The following RIC1 variants were observed in gnomAD, a reference collection of about 807,000 sequenced individuals.
RIC1 encodes guanine nucleotide exchange factor subunit RIC1.
In RIC1, 88 loss-of-function variants were observed where a neutral mutation model predicts 169.0. The ratio of observed to expected loss-of-function variants is 0.52; its 90% CI spans 0.44 to 0.62. The LOEUF (loss-of-function observed/expected upper bound fraction) is 0.62. Ranked by LOEUF, RIC1 falls within the 20% of genes least tolerant of loss-of-function variation. The pLI is 0.00. For synonymous variants in RIC1, 790 were observed against 601.5 expected, an observed-to-expected ratio of 1.31 and a Z score of -4.59; for missense variants, 1,877 against 1,725.5, an observed-to-expected ratio of 1.09 and a Z score of -1.56.
intron 1 of RIC1, among the ~76,000 whole-genome samples, chr9:5,646,976 A>AT (rs201007050): frequency 0.014 from 2,073 of 152,216 alleles, 55 homozygotes; most frequent in African/African-American, 0.047. Flanking sequence ...CTTTGAGACA[A>AT]TTTTTGTATA....
At chr9:5,652,387 C>T (rs1006474945) in intron 1 of RIC1, among the ~76,000 whole-genome samples, 14 of 152,022 alleles carry the variant, frequency 9.2e-5, no homozygotes, top group Admixed American at 7.9e-4. Flanking sequence ...CATTTTATTA[C>T]TGTTTCATAG....
intron 6 of RIC1, among the ~76,000 whole-genome samples, chr9:5,726,788 G>A (rs1478163781): frequency 6.6e-6 from 1 of 152,156 alleles, no homozygotes; most frequent in Non-Finnish European, 1.5e-5. Context: ...GTCTGTAAAG[G>A]ATTTTATTTC....
intron 2 of RIC1, among the ~76,000 whole-genome samples, chr9:5,682,818 T>G (rs201531259): frequency 6.6e-6 from 1 of 152,224 alleles, no homozygotes; most frequent in Admixed American, 6.5e-5. Flanking sequence ...ACATAGATTT[T>G]GTCTTTTCAC....
intron 6 of RIC1, 118 bp from the exon 7 acceptor site, chr9:5,732,270 T>A: frequency 1.3e-6 from 1 of 763,342 alleles, no homozygotes; most frequent in South Asian, 1.8e-5. Flanking sequence ...TATTTTCCTC[T>A]GCAGATGAAA....
At chr9:5,670,073 G>A (rs7872408) in intron 2 of RIC1, among the ~76,000 whole-genome samples, 50,042 of 152,062 alleles carry the variant, frequency 0.33, 8,783 homozygotes, top group East Asian at 0.59. Flanking sequence ...CAGGTCTCCA[G>A]TTAGTATGGA....
At chr9:5,772,781 C>CA (rs1563728928) in intron 24 of RIC1, 40 bp downstream of exon 24, 1 of 1,579,912 alleles carries the variant, frequency 6.3e-7, no homozygotes, top group Admixed American at 1.8e-5. Flanking sequence ...AATGCCTACT[C>CA]AGAGTATTTG....
intron 2 of RIC1, among the ~76,000 whole-genome samples, chr9:5,672,186 A>C (rs1820148256): frequency 6.6e-6 from 1 of 152,204 alleles, no homozygotes; most frequent in African/African-American, 2.4e-5. Flanking sequence ...GTAGGTTTGC[A>C]TTGCCAGATA....
intron 1 of RIC1, among the ~76,000 whole-genome samples, chr9:5,632,252 T>C (rs984395407): frequency 2.0e-5 from 3 of 152,238 alleles, no homozygotes; most frequent in Non-Finnish European, 2.9e-5. Flanking sequence ...GACAGTCGTT[T>C]AGTAGTCTAA....
intron 17 of RIC1, among the ~76,000 whole-genome samples, chr9:5,761,952 A>C (rs1826364458): frequency 6.6e-6 from 1 of 152,164 alleles, no homozygotes; most frequent in African/African-American, 2.4e-5. Flanking sequence ...ATCCTGATTA[A>C]CTCTGATTTT....
At chr9:5,705,173 G>A (rs1330868165) in intron 3 of RIC1, among the ~76,000 whole-genome samples, 1 of 145,662 alleles carries the variant, frequency 6.9e-6, no homozygotes, top group Admixed American at 6.8e-5. Context: ...TGAATTTTAG[G>A]ATCAGCTTTC....
At chr9:5,672,652 TAA>T (rs2130577183) in intron 2 of RIC1, among the ~76,000 whole-genome samples, 1 of 152,252 alleles carries the variant, frequency 6.6e-6, no homozygotes, top group African/African-American at 2.4e-5. Flanking sequence ...GTTTAGGAAA[TAA>T]TAGAAGAAAC....
intron 6 of RIC1, among the ~76,000 whole-genome samples, chr9:5,728,816 G>A (rs368940084): frequency 6.6e-6 from 1 of 152,084 alleles, no homozygotes; most frequent in Non-Finnish European, 1.5e-5. Context: ...TCTTATTTGT[G>A]TCGGATCTTT....
At chr9:5,713,025 T>C (rs895734379) in intron 3 of RIC1, 19 of 152,176 alleles carry the variant, frequency 1.2e-4, no homozygotes, top group African/African-American at 4.6e-4. Flanking sequence ...CATCAAAATA[T>C]ATTTCCCAAA....
In RIC1 at chr9:5,732,384, A is replaced by G. The variant is rs749336037; in HGVS notation, c.721-4A>G. The G allele has an allele frequency of 1.4e-5, 23 of 1,605,122 alleles. No individual in the cohort carries two copies. The highest frequency in any genetic ancestry group is 1.9e-5 in the Non-Finnish European group (22 of 1,175,856). Reference sequence around the variant, plus strand: ...TAAGCCTTAACTATTTTTCTTTATTATAGCAGCTTCATGGAGTTTGGCCAC... The same window carrying G: ...TAAGCCTTAACTATTTTTCTTTATTGTAGCAGCTTCATGGAGTTTGGCCAC... On this transcript the variant is annotated splice_polypyrimidine_tract_variant and splice_region_variant and intron_variant, in intron 6 of 25. Coordinates refer to ENST00000414202, the MANE Select transcript of RIC1 (RefSeq NM_020829.4).
chr9:5,676,405 G>A lies in RIC1; in HGVS notation c.253-13554G>A, dbSNP rs74201424. Among the ~76,000 whole-genome samples, 86 of 152,248 alleles carry A rather than the reference G, an allele frequency of 5.6e-4. No homozygotes were observed. The East Asian group carries it at 0.015, about 26-fold the overall frequency. ...ATAGTAAATTTTGGGAGGTGTCTAT[G>A]TTCTAGGCACTGTTGTAGTGCTTTA... is the stretch of plus-strand genomic sequence containing the variant. On this transcript the variant is annotated intron_variant, in intron 2 of 25. Coordinates refer to ENST00000414202, the MANE Select transcript of RIC1 (RefSeq NM_020829.4).
chr9:5,707,782 G>A (rs1822683419), intron 3 of RIC1, among the ~76,000 whole-genome samples: 1 of 151,830 alleles, frequency 6.6e-6, no homozygotes, highest in African/African-American at 2.4e-5. Flanking sequence ...TAATTTTCTT[G>A]TAGACAGCTT....
At chr9:5,723,539 C>T (rs1182014865) in intron 6 of RIC1, among the ~76,000 whole-genome samples, 1 of 152,146 alleles carries the variant, frequency 6.6e-6, no homozygotes, top group East Asian at 1.9e-4. Flanking sequence ...GTTTCTTTTG[C>T]TGTGCAGAAG....
intron 2 of RIC1, among the ~76,000 whole-genome samples, chr9:5,688,639 A>C (rs1290499645): frequency 1.3e-4 from 20 of 152,218 alleles, no homozygotes; most frequent in Non-Finnish European, 1.8e-4. Context: ...CTCTAGTTTC[A>C]AATACATTAT....
At chr9:5,645,537 G>A (rs930198511) in intron 1 of RIC1, among the ~76,000 whole-genome samples, 1 of 152,134 alleles carries the variant, frequency 6.6e-6, no homozygotes, top group Non-Finnish European at 1.5e-5. Context: ...TTCGTACCCT[G>A]TAAATGGTAA....
Sources: gnomAD v4.1 joint callset for allele counts (sites outside exome capture counted in the v4.1 genomes callset) on GRCh38, gnomAD v4.1.1 for gene constraint, MANE v1.5 for transcripts, NCBI Gene and HGNC (gene_info 2026-07-23, HGNC 2026-07-21) for gene names.